ATXN7L1: variants seen among roughly 807,000 people sequenced by gnomAD.
ATXN7L1 encodes the protein ataxin 7 like 1.
A neutral mutation model predicts 70.8 loss-of-function variants in ATXN7L1; 15 were observed. That is an observed-to-expected ratio of 0.21 (90% CI 0.14 to 0.33). ATXN7L1 has a LOEUF of 0.33. Among genes scored for constraint, ATXN7L1 ranks in the 10% least tolerant of loss-of-function variants. The pLI is 1.00. For missense variants in ATXN7L1, 975 were observed against 1,097.1 expected, an observed-to-expected ratio of 0.89 and a Z score of 1.57; for synonymous variants, 440 against 445.1, an observed-to-expected ratio of 0.99 and a Z score of 0.14.
In ATXN7L1 at chr7:105,696,110, A is replaced by G. The variant is rs80338981; in HGVS notation, c.356-30822T>C. 1.9e-3 allele frequency among the ~76,000 whole-genome samples: 291 copies of G among 152,320 alleles called. 1 individual carries two copies. Among genetic ancestry groups the G allele is most frequent in the African/African-American group, 6.8e-3 (282 of 41,558 alleles). ...ACTTCTTTCTCCCTGAAAGTACAAC[A>G]CAAGAAAACATACACCCGAAGGTCA... On this transcript the variant is annotated intron_variant, in intron 3 of 11. Transcript: ENST00000419735.
At chr7:105,814,294 A>G (rs11979996) in intron 2 of ATXN7L1, among the ~76,000 whole-genome samples, 22,755 of 152,148 alleles carry the variant, frequency 0.15, 1,808 homozygotes, top group Middle Eastern at 0.22. Context: ...AGCTTCTAAA[A>G]ACTCAATAAA....
intron 2 of ATXN7L1, among the ~76,000 whole-genome samples, chr7:105,821,615 G>A (rs773342037): frequency 2.6e-5 from 4 of 152,206 alleles, no homozygotes; most frequent in Non-Finnish European, 1.5e-5. Context: ...AGAGTAGGGT[G>A]GTTTCAGGTA....
At chr7:105,778,200 A>T (rs148898612) in intron 3 of ATXN7L1, among the ~76,000 whole-genome samples, 1 of 152,206 alleles carries the variant, frequency 6.6e-6, no homozygotes, top group East Asian at 1.9e-4. Context: ...TAAGTAGAAG[A>T]TTGTTTCAAT....
chr7:105,693,209 A>G (rs2116210642), intron 3 of ATXN7L1, among the ~76,000 whole-genome samples: 1 of 151,210 alleles, frequency 6.6e-6, no homozygotes, highest in Admixed American at 6.6e-5. Context: ...TTTGTTTTAA[A>G]TAGAGACAAG....
chr7:105,688,629 G>A (rs189613803), intron 3 of ATXN7L1, among the ~76,000 whole-genome samples: 10 of 152,044 alleles, frequency 6.6e-5, no homozygotes, highest in African/African-American at 2.2e-4. Context: ...ATGCCCTGGC[G>A]TAAGCGCCAA....
chr7:105,681,663 T>C (rs1268514591), intron 3 of ATXN7L1, among the ~76,000 whole-genome samples: 1 of 152,182 alleles, frequency 6.6e-6, no homozygotes, highest in African/African-American at 2.4e-5. Flanking sequence ...TGTCTATCAA[T>C]GAATGAATAG....
At chr7:105,627,884 AC>A (rs1795968635) in intron 7 of ATXN7L1, among the ~76,000 whole-genome samples, 3 of 109,652 alleles carry the variant, frequency 2.7e-5, no homozygotes, top group African/African-American at 1.1e-4. Context: ...TTGCTCTGTC[AC>A]CCAGGCTGGA....
At chr7:105,826,056 C>T (rs1810824038) in intron 2 of ATXN7L1, among the ~76,000 whole-genome samples, 1 of 152,018 alleles carries the variant, frequency 6.6e-6, no homozygotes, top group South Asian at 2.1e-4. Context: ...TATATATACC[C>T]TTTATAGAGA....
chr7:105,856,444 G>C (rs571944444), intron 2 of ATXN7L1, among the ~76,000 whole-genome samples: 1 of 152,098 alleles, frequency 6.6e-6, no homozygotes, highest in Non-Finnish European at 1.5e-5. Context: ...AAATTAGCGG[G>C]GCATGGTGGC....
At chr7:105,805,767 C>T (rs1807486502) in intron 2 of ATXN7L1, among the ~76,000 whole-genome samples, 1 of 152,092 alleles carries the variant, frequency 6.6e-6, no homozygotes, top group Non-Finnish European at 1.5e-5. Flanking sequence ...GTCGTGGGAA[C>T]AGCAAGAGCA....
At chr7:105,797,204 C>G (rs531915313) in intron 2 of ATXN7L1, among the ~76,000 whole-genome samples, 1 of 152,216 alleles carries the variant, frequency 6.6e-6, no homozygotes, top group Admixed American at 6.5e-5. Context: ...CTTCCTGCCA[C>G]GGCTAGGCTG....
At chr7:105,855,013 G>A (rs1815510554) in intron 2 of ATXN7L1, among the ~76,000 whole-genome samples, 1 of 150,116 alleles carries the variant, frequency 6.7e-6, no homozygotes, top group Admixed American at 6.6e-5. Context: ...GGAGTGCAGT[G>A]GTGTGATCTT....
In ATXN7L1 at chr7:105,784,702, G is replaced by A. The variant is rs57033713; in HGVS notation, c.355+3902C>T. On this transcript the variant is annotated intron_variant, in intron 3 of 11. Transcript: ENST00000419735. The stretch of plus-strand genomic sequence containing the variant: ...GCCTCACATCAGTCACATCATCCCA[G>A]CAACCCCCTGAGGCAGGCAGAGTAC... 1.1e-3 allele frequency among the ~76,000 whole-genome samples: 168 copies of A among 152,308 alleles called. 1 individual carries two copies. The highest frequency in any genetic ancestry group is 3.8e-3 in the African/African-American group (158 of 41,570).
At chr7:105,723,856 C>T (rs1266561526) in intron 3 of ATXN7L1, among the ~76,000 whole-genome samples, 1 of 152,156 alleles carries the variant, frequency 6.6e-6, no homozygotes, top group South Asian at 2.1e-4. Flanking sequence ...AGTGTCCATG[C>T]GGCTGCTGAG....
intron 4 of ATXN7L1, among the ~76,000 whole-genome samples, chr7:105,660,636 G>A (rs1037580603): frequency 7.8e-6 from 1 of 128,206 alleles, no homozygotes; most frequent in African/African-American, 3.0e-5. Flanking sequence ...AGGCTGGAGT[G>A]CAGTGGCGCA....
intron 2 of ATXN7L1, among the ~76,000 whole-genome samples, chr7:105,798,328 G>A (rs917856860): frequency 1.6e-4 from 25 of 152,136 alleles, no homozygotes; most frequent in African/African-American, 5.6e-4. Context: ...GCTCTCTCTG[G>A]TCCCATTTTC....
intron 2 of ATXN7L1, among the ~76,000 whole-genome samples, chr7:105,873,332 A>G (rs990209962): frequency 1.3e-5 from 2 of 152,174 alleles, no homozygotes; most frequent in African/African-American, 2.4e-5. Context: ...ATCTACATAC[A>G]TTCATAAGCA....
chr7:105,735,046 A>G (rs866812440), intron 3 of ATXN7L1, among the ~76,000 whole-genome samples: 1 of 152,184 alleles, frequency 6.6e-6, no homozygotes, highest in Non-Finnish European at 1.5e-5. Context: ...AAATAATTCT[A>G]TGGGAACAAA....
At chr7:105,872,209 G>A (rs771862224) in intron 2 of ATXN7L1, among the ~76,000 whole-genome samples, 3 of 152,086 alleles carry the variant, frequency 2.0e-5, no homozygotes, top group Non-Finnish European at 2.9e-5. Flanking sequence ...AGCCAGGATG[G>A]TCTCGATCTC....
Sources: allele counts gnomAD v4.1 joint callset (sites outside exome capture counted in the v4.1 genomes callset), GRCh38; gene constraint gnomAD v4.1.1; transcripts MANE v1.5; gene names NCBI Gene and HGNC (gene_info 2026-07-23, HGNC 2026-07-21).